Variants in SEMA3A observed in about 807,000 individuals in gnomAD.
SEMA3A encodes the protein semaphorin 3A, also known as semaphorin-3A.
In SEMA3A, 29 loss-of-function variants were observed where a neutral mutation model predicts 97.9. The observed-to-expected ratio is 0.30, with a 90% CI of 0.22 to 0.40. The LOEUF is 0.40. Among genes scored for constraint, SEMA3A ranks in the 10% least tolerant of loss-of-function variants. The probability of loss-of-function intolerance (pLI) is 1.00; values close to 1 mark genes in which losing one functional copy is unlikely to be tolerated. For synonymous variants in SEMA3A, 321 were observed against 323.7 expected (o/e 0.99, Z 0.09); for missense variants, 763 against 951.3 (o/e 0.80, Z 2.60).
At chr7:84,014,839 A>T (rs1791032649) in intron 6 of SEMA3A, among the ~76,000 whole-genome samples, 1 of 151,986 alleles carries the variant, frequency 6.6e-6, no homozygotes, top group Admixed American at 6.6e-5. Context: ...CTTTCCTGTA[A>T]ATGGCAGTGT....
At chr7:83,973,685 G>T (rs1789008866) in intron 15 of SEMA3A, among the ~76,000 whole-genome samples, 1 of 152,132 alleles carries the variant, frequency 6.6e-6, no homozygotes, top group Admixed American at 6.6e-5. Context: ...TGCCAACCAA[G>T]ATATAAATTG....
At chr7:84,424,582 ATTATATATAATATATAAATATTAATATAT>A (rs1562942644) in intron 1 of SEMA3A, among the ~76,000 whole-genome samples, 2 of 77,384 alleles carry the variant, frequency 2.6e-5, no homozygotes, top group African/African-American at 7.7e-5. Flanking sequence ...ATTAATATAT[ATTATATATAATATATAAATATTAATATAT>A]AATATAATAT....
At position 84,014,221 on chromosome 7, in the gene SEMA3A, A is replaced by T. The variant is rs1470755825; in HGVS notation, c.798T>A (p.Gly266=). 1 of 1,610,738 alleles carries T rather than the reference A, an allele frequency of 6.2e-7. No individual in the cohort carries two copies. The highest frequency in any genetic ancestry group is 2.2e-5 in the East Asian group (1 of 44,678). The change falls in exon 7 of 17, where the codon GGT becomes GGA. Residue 266 remains glycine, a synonymous_variant. Transcript: ENST00000265362. ...HSGKATHARI[G]QICKNDFGGH... The stretch of plus-strand genomic sequence containing the variant: ...TTCTTTACCTCACCTTGCATATCTG[A>T]CCTATTCTAGCGTGAGTAGCTTTTC...
chr7:84,139,315 T>C (rs1418028411), intron 1 of SEMA3A, among the ~76,000 whole-genome samples: 2 of 152,076 alleles, frequency 1.3e-5, no homozygotes, highest in Non-Finnish European at 2.9e-5. Flanking sequence ...TGTAATTGTT[T>C]TTCTCTGGTT....
At chr7:84,155,484 T>C (rs1796817890) in intron 1 of SEMA3A, among the ~76,000 whole-genome samples, 1 of 152,126 alleles carries the variant, frequency 6.6e-6, no homozygotes, top group South Asian at 2.1e-4. Context: ...TGACCTCAGA[T>C]AGGCCATCTT....
At chr7:84,133,122 T>A (rs1286341268) in intron 2 of SEMA3A, among the ~76,000 whole-genome samples, 1 of 152,190 alleles carries the variant, frequency 6.6e-6, no homozygotes, top group Non-Finnish European at 1.5e-5. Context: ...CGATAATAGA[T>A]AACAGGCATT....
At chr7:83,986,395 T>C (rs1484766915) in intron 12 of SEMA3A, among the ~76,000 whole-genome samples, 5 of 152,220 alleles carry the variant, frequency 3.3e-5, no homozygotes, top group Non-Finnish European at 2.9e-5. Flanking sequence ...CACTCATCAA[T>C]GCACTTCATT....
At chr7:84,464,039 C>T (rs1805931101) in intron 1 of SEMA3A, among the ~76,000 whole-genome samples, 1 of 152,106 alleles carries the variant, frequency 6.6e-6, no homozygotes, top group South Asian at 2.1e-4. Context: ...CATACTTTGA[C>T]ATAATTTTCA....
chr7:84,153,244 A>C (rs1289934620), intron 1 of SEMA3A, among the ~76,000 whole-genome samples: 1 of 152,174 alleles, frequency 6.6e-6, no homozygotes, highest in Non-Finnish European at 1.5e-5. Context: ...TTGTTGCAAA[A>C]GTACCAATTA....
At chr7:84,326,902 T>C (rs1470040753) in intron 2 of SEMA3A, among the ~76,000 whole-genome samples, 4 of 151,962 alleles carry the variant, frequency 2.6e-5, no homozygotes, top group East Asian at 1.9e-4. Flanking sequence ...ATCATGAACA[T>C]AGGCATGAGC....
chr7:84,222,882 G>A (rs575077300), intron 3 of SEMA3A, among the ~76,000 whole-genome samples: 1 of 151,934 alleles, frequency 6.6e-6, no homozygotes, highest in Non-Finnish European at 1.5e-5. Flanking sequence ...ATAGAAACTT[G>A]CTCATTCAGG....
At chr7:84,120,246 A>T (rs1246853317) in intron 3 of SEMA3A, among the ~76,000 whole-genome samples, 3 of 152,192 alleles carry the variant, frequency 2.0e-5, no homozygotes, top group Non-Finnish European at 4.4e-5. Flanking sequence ...AGTAAAATGT[A>T]TTAATTCAAA....
At chr7:84,050,552 G>A (rs1333228485) in intron 5 of SEMA3A, among the ~76,000 whole-genome samples, 1 of 151,884 alleles carries the variant, frequency 6.6e-6, no homozygotes, top group Non-Finnish European at 1.5e-5. Flanking sequence ...TTTTTGATGG[G>A]GTTGTATGTT....
chr7:84,141,769 A>G (rs1476868634), intron 1 of SEMA3A, among the ~76,000 whole-genome samples: 3 of 152,104 alleles, frequency 2.0e-5, no homozygotes, highest in Admixed American at 2.0e-4. Context: ...TCGCACTTAT[A>G]ACTGAGAACA....
At chr7:84,332,626 T>C (rs927502246) in intron 2 of SEMA3A, among the ~76,000 whole-genome samples, 4 of 152,048 alleles carry the variant, frequency 2.6e-5, no homozygotes, top group Non-Finnish European at 5.9e-5. Flanking sequence ...AACATGTGGC[T>C]GTGACGTCAA....
chr7:84,395,226 T>C (rs569260534), intron 1 of SEMA3A, among the ~76,000 whole-genome samples: 2 of 152,206 alleles, frequency 1.3e-5, no homozygotes, highest in Admixed American at 1.3e-4. Flanking sequence ...CTCAGCTTTA[T>C]AGAACTCATT....
At chr7:84,466,011 G>A (rs1052508541) in intron 1 of SEMA3A, among the ~76,000 whole-genome samples, 13 of 152,002 alleles carry the variant, frequency 8.6e-5, no homozygotes, top group African/African-American at 3.1e-4. Context: ...GACACCTCAG[G>A]TATTCATCAC....
intron 1 of SEMA3A, among the ~76,000 whole-genome samples, chr7:84,169,019 C>G (rs1797303628): frequency 6.6e-6 from 1 of 151,630 alleles, no homozygotes. Context: ...ATAATTGATC[C>G]TGAGTTGAGG....
At chr7:83,987,086 A>T (rs765070803) in intron 12 of SEMA3A, among the ~76,000 whole-genome samples, 1 of 150,038 alleles carries the variant, frequency 6.7e-6, no homozygotes, top group African/African-American at 2.4e-5. Flanking sequence ...ATTTATACAC[A>T]TCTTATCTAA....
Sources: allele counts gnomAD v4.1 joint callset (sites outside exome capture counted in the v4.1 genomes callset), GRCh38; gene constraint gnomAD v4.1.1; transcripts MANE v1.5; gene names NCBI Gene and HGNC (gene_info 2026-07-23, HGNC 2026-07-21).